LIPK: variants seen among roughly 807,000 people sequenced by gnomAD.
LIPK encodes lipase family member K.
LIPK carries 32 observed loss-of-function variants against 48.6 expected under a neutral mutation model. The ratio of observed to expected loss-of-function variants is 0.66; its 90% CI spans 0.50 to 0.88. LIPK has a LOEUF of 0.88. Among genes scored for constraint, LIPK ranks in the 40% least tolerant of loss-of-function variants. The pLI is 0.00. For synonymous variants in LIPK, 164 were observed against 157.4 expected, an observed-to-expected ratio of 1.04 and a Z score of -0.32; for missense variants, 507 against 478.5, an observed-to-expected ratio of 1.06 and a Z score of -0.56.
At chr10:88,734,929 C>A (rs955802271) in intron 6 of LIPK, among the ~76,000 whole-genome samples, 3 of 152,180 alleles carry the variant, frequency 2.0e-5, no homozygotes, top group African/African-American at 7.2e-5. Flanking sequence ...TGAAAGGCTT[C>A]CTTTTTTATG....
chr10:88,713,154 T>C lies in LIPK; in HGVS notation c.-12+6834T>C, dbSNP rs181984441. ...ATATCGCTATAGCAATTTCTAGCTATGTGAATTTAGCTAACCTACTTACCC... is the reference window on the plus strand; with the variant it reads ...ATATCGCTATAGCAATTTCTAGCTACGTGAATTTAGCTAACCTACTTACCC... On this transcript the variant is annotated intron_variant, in intron 1 of 9. Coordinates refer to ENST00000404190, the MANE Select transcript of LIPK (RefSeq NM_001080518.2). Among the ~76,000 whole-genome samples, 140 of 152,348 alleles carry C rather than the reference T, an allele frequency of 9.2e-4. 1 individual carries two copies. In the East Asian group the frequency reaches 0.015, roughly 17 times the overall value.
At chr10:88,735,900 T>C (rs1051216357) in intron 6 of LIPK, among the ~76,000 whole-genome samples, 3 of 152,224 alleles carry the variant, frequency 2.0e-5, no homozygotes, top group African/African-American at 7.2e-5. Context: ...AAATGCATAG[T>C]AATTTTGCTG....
chr10:88,724,722 G>A, intron 2 of LIPK, 74 bp downstream of exon 2: 3 of 1,052,412 alleles, frequency 2.9e-6, no homozygotes, highest in Non-Finnish European at 4.1e-6. Flanking sequence ...TACAACTGGT[G>A]TGCCTTCTTA....
At chr10:88,730,184 A>C (rs1032257272) in intron 3 of LIPK, among the ~76,000 whole-genome samples, 3 of 152,216 alleles carry the variant, frequency 2.0e-5, no homozygotes, top group Non-Finnish European at 4.4e-5. Context: ...TTTTGAAAAA[A>C]ATTTAAGTTT....
At chr10:88,723,177 G>A (rs889465485) in intron 1 of LIPK, among the ~76,000 whole-genome samples, 5 of 151,968 alleles carry the variant, frequency 3.3e-5, no homozygotes, top group African/African-American at 9.7e-5. Context: ...GAGCCATCAT[G>A]CCCAGCCCAA....
intron 6 of LIPK, among the ~76,000 whole-genome samples, chr10:88,733,710 G>A (rs1198632868): frequency 6.6e-6 from 1 of 152,180 alleles, no homozygotes; most frequent in African/African-American, 2.4e-5. Context: ...GGGATGGTGA[G>A]ATCTTTCCAT....
chr10:88,736,752 G>T (rs12571514), intron 6 of LIPK, among the ~76,000 whole-genome samples: 58,456 of 152,020 alleles, frequency 0.38, 11,517 homozygotes, highest in East Asian at 0.57. Flanking sequence ...TTGGTTCTCT[G>T]TTCTGAAACC....
At chr10:88,749,544 A>G (rs1842828079) in intron 9 of LIPK, among the ~76,000 whole-genome samples, 1 of 152,250 alleles carries the variant, frequency 6.6e-6, no homozygotes, top group Admixed American at 6.5e-5. Context: ...TGGTGCTGAG[A>G]TAACTGGCTA....
At chr10:88,741,974 A>G (rs1192002316) in intron 8 of LIPK, among the ~76,000 whole-genome samples, 1 of 152,202 alleles carries the variant, frequency 6.6e-6, no homozygotes, top group Non-Finnish European at 1.5e-5. Flanking sequence ...TACAGGAAGC[A>G]TGGCTAGGAG....
At chr10:88,706,471 GACA>G (rs556320118) in intron 1 of LIPK, among the ~76,000 whole-genome samples, 151 bp downstream of exon 1, 2 of 152,148 alleles carry the variant, frequency 1.3e-5, no homozygotes, top group African/African-American at 2.4e-5. Flanking sequence ...AGTATAATGT[GACA>G]ACTTCAGATG....
In LIPK at chr10:88,731,050, G is replaced by T. The variant is rs1347967614; in HGVS notation, c.291G>T (p.Leu97=). ...IASASNWICN[L]PNNSLAFLLA... is the part of the protein sequence containing the mutation. ...CTGCCAGTAACTGGATTTGCAACCT[G>T]CCCAACAACAGTTTGGCTTTCCTTC... is the stretch of plus-strand genomic sequence containing the variant. The change falls in exon 4 of 10, where the codon CTG becomes CTT. Residue 97 remains leucine (L), a synonymous_variant. Coordinates refer to ENST00000404190, the MANE Select transcript of LIPK (RefSeq NM_001080518.2). 2 of 1,600,398 alleles carry T rather than the reference G, an allele frequency of 1.2e-6. No homozygotes were observed. The highest frequency in any genetic ancestry group is 1.3e-5 in the African/African-American group (1 of 74,740).
intron 1 of LIPK, among the ~76,000 whole-genome samples, chr10:88,712,964 G>A (rs1842051253): frequency 6.6e-6 from 1 of 152,180 alleles, no homozygotes; most frequent in African/African-American, 2.4e-5. Context: ...TTTTCAGCCT[G>A]TAACTCTATA....
intron 9 of LIPK, among the ~76,000 whole-genome samples, chr10:88,745,057 T>C (rs938675746): frequency 6.6e-6 from 1 of 152,118 alleles, no homozygotes; most frequent in Non-Finnish European, 1.5e-5. Context: ...GTTATTTCAG[T>C]GAACCCAGTC....
chr10:88,751,327 G>A (rs181974959), intron 9 of LIPK, among the ~76,000 whole-genome samples: 23 of 151,918 alleles, frequency 1.5e-4, no homozygotes, highest in African/African-American at 5.1e-4. Flanking sequence ...AATGATACTT[G>A]GGTTTTTCAA....
At chr10:88,740,156 T>G in intron 8 of LIPK, 89 bp downstream of exon 8, 1 of 825,184 alleles carries the variant, frequency 1.2e-6, no homozygotes, top group East Asian at 2.8e-5. Flanking sequence ...AGGGTTCTGC[T>G]GGCACCTGCC....
intron 3 of LIPK, among the ~76,000 whole-genome samples, chr10:88,730,207 A>T (rs1006584396): frequency 1.3e-5 from 2 of 152,204 alleles, no homozygotes; most frequent in African/African-American, 4.8e-5. Flanking sequence ...AATCAGATGA[A>T]TCTTGAAAAA....
rs1248082322 is a variant in LIPK, at chr10:88,743,335, C to G, written c.960+14C>G. ...CACTTCCATCAGGTACAAAAATAAT[C>G]CTCATAATCAGTTCCATGCTGCAAA... On this transcript the variant is annotated intron_variant, in intron 9 of 9. Coordinates refer to ENST00000404190, the MANE Select transcript of LIPK (RefSeq NM_001080518.2). The G allele has an allele frequency of 6.4e-7, 1 of 1,561,448 alleles. No homozygotes were observed. The highest frequency in any genetic ancestry group is 1.2e-5 in the South Asian group (1 of 85,722).
intron 9 of LIPK, among the ~76,000 whole-genome samples, chr10:88,749,132 T>G (rs940809535): frequency 2.0e-5 from 3 of 152,088 alleles, no homozygotes; most frequent in Admixed American, 6.5e-5. Flanking sequence ...ATGATACAAA[T>G]GGAAAAACAT....
At chr10:88,712,129 T>C (rs1298673770) in intron 1 of LIPK, among the ~76,000 whole-genome samples, 1 of 152,210 alleles carries the variant, frequency 6.6e-6, no homozygotes, top group African/African-American at 2.4e-5. Flanking sequence ...AAACAAAGTA[T>C]ATCTCTCTAT....
Sources: allele counts gnomAD v4.1 joint callset (sites outside exome capture counted in the v4.1 genomes callset), GRCh38; gene constraint gnomAD v4.1.1; transcripts MANE v1.5; gene names NCBI Gene and HGNC (gene_info 2026-07-23, HGNC 2026-07-21).